The following MYRF variants were observed in gnomAD, a reference collection of about 807,000 sequenced individuals.
The protein encoded by MYRF is myelin regulatory factor.
In MYRF, 16 loss-of-function variants were observed where a neutral mutation model predicts 126.3. The ratio of observed to expected loss-of-function variants is 0.13; its 90% CI spans 0.09 to 0.19. MYRF has a LOEUF of 0.19. Among genes scored for constraint, MYRF ranks in the 10% least tolerant of loss-of-function variants. The probability of loss-of-function intolerance (pLI) is 1.00; values close to 1 mark genes in which losing one functional copy is unlikely to be tolerated. For synonymous variants in MYRF, 608 were observed against 635.3 expected (o/e 0.96, Z 0.65); for missense variants, 1,104 against 1,547.0 (o/e 0.71, Z 4.80).
rs761911305 is a variant in MYRF, at chr11:61,781,685, C to A, written c.2877C>A (p.Ala959=). The A allele has an allele frequency of 6.8e-6, 11 of 1,613,646 alleles. No individual in the cohort carries two copies. The highest frequency in any genetic ancestry group is 9.3e-6 in the Non-Finnish European group (11 of 1,180,026). ...ATCACAAGAGTCTGGAGCCTCTGGC[C>A]AGCCCTGCAGTCCCCTTCCCTGGGG... ...SKHHKSLEPL[A]SPAVPFPGGQ... The change falls in exon 22 of 27, where the codon GCC becomes GCA. Residue 959 remains alanine, a synonymous_variant. Transcript: ENST00000278836.
At chr11:61,767,212 CTGTT>C (rs1187663472) in intron 3 of MYRF, 2 of 456,630 alleles carry the variant, frequency 4.4e-6, no homozygotes, top group Non-Finnish European at 4.4e-6. Flanking sequence ...AGAAGGCAAA[CTGTT>C]TGCTTGAGGC....
At chr11:61,758,099 G>A (rs563952960) in intron 1 of MYRF, among the ~76,000 whole-genome samples, 6 of 150,162 alleles carry the variant, frequency 4.0e-5, no homozygotes, top group South Asian at 4.2e-4. Context: ...GTGAGGGGGG[G>A]AGGGGCAAAG....
At chr11:61,761,246 C>T (rs910138569) in intron 1 of MYRF, among the ~76,000 whole-genome samples, 14 of 133,460 alleles carry the variant, frequency 1.0e-4, no homozygotes, top group Admixed American at 2.5e-4. Flanking sequence ...ACTCAGCCAA[C>T]GGCCACAGCT....
At chr11:61,754,811 C>T (rs936578497) in intron 1 of MYRF, among the ~76,000 whole-genome samples, 1 of 152,170 alleles carries the variant, frequency 6.6e-6, no homozygotes, top group African/African-American at 2.4e-5. Flanking sequence ...AAACAGCTCC[C>T]AGCCCCTGCG....
Position 61,776,852 on chromosome 11 carries a change from A to G in MYRF, c.1565A>G (p.Gln522Arg). The G allele has an allele frequency of 6.2e-7, 1 of 1,608,176 alleles. No individual in the cohort carries two copies. The highest frequency in any genetic ancestry group is 8.5e-7 in the Non-Finnish European group (1 of 1,177,714). The change falls in exon 11 of 27, where the codon CAG (glutamine) becomes CGG (arginine). Residue 522 changes from glutamine to arginine, a missense_variant. Coordinates refer to ENST00000278836, the MANE Select transcript of MYRF (RefSeq NM_001127392.3). This position sits in a 1 kb window ranked among gnomAD's most constrained non-coding sequence, Gnocchi z 4.3. ...AQNQNYTLAAQISERIIVRAS... is the reference protein window; with the variant it reads ...AQNQNYTLAARISERIIVRAS... Reference sequence around the variant, plus strand: ...AACCAGAACTACACGCTGGCCGCCCAGATCTCAGAGCGCATCATTGTGCGG... The same window carrying G: ...AACCAGAACTACACGCTGGCCGCCCGGATCTCAGAGCGCATCATTGTGCGG...
intron 24 of MYRF, 88 bp from the exon 25 acceptor site, chr11:61,784,192 T>G: frequency 7.9e-7 from 1 of 1,269,604 alleles, no homozygotes; most frequent in South Asian, 1.3e-5. Flanking sequence ...GGGTGGAGAT[T>G]CAGAGGCGTG....
intron 5 of MYRF, 25 bp downstream of exon 5, chr11:61,770,550 T>A (rs765556612): frequency 4.8e-5 from 73 of 1,511,464 alleles, no homozygotes; most frequent in Admixed American, 1.2e-4. Context: ...GCTGGCTCCA[T>A]GGGGTGGGAA....
In MYRF at chr11:61,771,569, G is replaced by A. The variant is rs150512957; in HGVS notation, c.810G>A (p.Met270Ile). 8.1e-6 allele frequency: 13 copies of A among 1,613,822 alleles called. No individual in the cohort carries two copies. The African/African-American group carries it at 1.6e-4, about 20-fold the overall frequency. The change falls in exon 6 of 27, where the codon ATG (methionine) becomes ATA (isoleucine). Residue 270 changes from methionine (M) to isoleucine (I), a missense_variant. This residue lies in a region of MYRF where 368 missense variants were observed against 403.9 expected (regional missense o/e 0.91). Transcript: ENST00000278836. Reference protein sequence around the residue: ...ESPPSTLNAQMLNGMIKQEPG... With the variant: ...ESPPSTLNAQILNGMIKQEPG... ...CCCCCAGCACCCTCAATGCCCAGAT[G>A]CTGAATGGAATGATCAAACAGGAGC...
rs2066298874 is a variant in MYRF at position 61,773,954 on chromosome 11, C to T, written c.1116-13C>T. ...CTGGGGCCTCAGGGGAGTGCCCTCA[C>T]CCGCCCCCCCAGGCCCATGCTCACC... On this transcript the variant is annotated splice_polypyrimidine_tract_variant and intron_variant, in intron 7 of 26. Coordinates refer to ENST00000278836, the MANE Select transcript of MYRF (RefSeq NM_001127392.3). 2 of 1,595,672 alleles carry T rather than the reference C, an allele frequency of 1.3e-6. No homozygotes were observed. Among genetic ancestry groups the T allele is most frequent in the African/African-American group, 1.3e-5 (1 of 74,450 alleles).
At position 61,778,279 on chromosome 11, in the gene MYRF, G is replaced by A. The variant is rs1356239204; in HGVS notation, c.1904-101G>A. ...TTGGAATCCAAATCTCTGGGTTCCA[G>A]AACTTCACCCTCTCCAGTCTTGCTC... On this transcript the variant is annotated intron_variant, in intron 13 of 26. Coordinates refer to ENST00000278836, the MANE Select transcript of MYRF (RefSeq NM_001127392.3). This position sits in a 1 kb window ranked among gnomAD's most constrained non-coding sequence, Gnocchi z 4.6. 4.9e-6 allele frequency: 4 copies of A among 823,952 alleles called. No individual in the cohort carries two copies. Among genetic ancestry groups the A allele is most frequent in the East Asian group, 2.5e-5 (1 of 40,802 alleles). 51.0% of individuals were successfully genotyped at this position (823,952 alleles called of 1,614,324 possible).
At position 61,781,519 on chromosome 11, in the gene MYRF, G is replaced by C. The variant is rs368360443; in HGVS notation, c.2765-54G>C. On this transcript the variant is annotated intron_variant, in intron 21 of 26. Coordinates refer to ENST00000278836, the MANE Select transcript of MYRF (RefSeq NM_001127392.3). ...TCTTGTGGGGCCCTAGAGACAGCTG[G>C]ACAGGAAGCAGCCAGCTTCCAGCTT... is the stretch of plus-strand genomic sequence containing the variant. 16 of 1,582,708 alleles carry C rather than the reference G, an allele frequency of 1.0e-5. No homozygotes were observed. The South Asian group carries it at 1.8e-4, about 17-fold the overall frequency.
chr11:61,765,479 G>C, intron 1 of MYRF, 146 bp from the exon 2 acceptor site: 1 of 618,832 alleles, frequency 1.6e-6, no homozygotes, highest in Admixed American at 2.9e-5. Context: ...GGTGAGAGCC[G>C]GCCCCCACAT....
intron 1 of MYRF, among the ~76,000 whole-genome samples, chr11:61,762,191 C>G (rs1404117944): frequency 1.3e-5 from 2 of 152,016 alleles, no homozygotes; most frequent in African/African-American, 2.4e-5. Context: ...CAAGGGCTGA[C>G]CACGGAGAGG....
chr11:61,770,642 C>A, intron 5 of MYRF, 117 bp downstream of exon 5: 2 of 1,006,248 alleles, frequency 2.0e-6, no homozygotes, highest in Non-Finnish European at 2.9e-6. Context: ...CCAGGGAGGG[C>A]AGAAGGCTCT....
intron 2 of MYRF, 28 bp from the exon 3 acceptor site, chr11:61,765,930 G>T: frequency 6.8e-7 from 1 of 1,477,116 alleles, no homozygotes. Context: ...GGTCCTGGCT[G>T]GAGCTGAGCC....
At position 61,776,299 on chromosome 11, in the gene MYRF, A is replaced by G; in HGVS notation, c.1389-23A>G. 2 of 1,600,354 alleles carry G rather than the reference A, an allele frequency of 1.2e-6. No homozygotes were observed. The highest frequency in any genetic ancestry group is 1.1e-5 in the South Asian group (1 of 89,890). On this transcript the variant is annotated intron_variant, in intron 9 of 26. Coordinates refer to ENST00000278836, the MANE Select transcript of MYRF (RefSeq NM_001127392.3). The surrounding 1 kb of genome is among the most constrained non-coding windows in gnomAD (Gnocchi z 4.3). Reference sequence around the variant, plus strand: ...TTGCAGCCTCCCTCCCTGCCCCCTGAGCACCCTGCCTCTCCTCTGCAGGGT... The same window carrying G: ...TTGCAGCCTCCCTCCCTGCCCCCTGGGCACCCTGCCTCTCCTCTGCAGGGT...
chr11:61,783,205 C>T lies in MYRF; in HGVS notation c.3017-293C>T. On this transcript the variant is annotated intron_variant, in intron 22 of 26. Transcript: ENST00000278836. The surrounding 1 kb of genome is among the most constrained non-coding windows in gnomAD (Gnocchi z 4.6). ...TGGGAGAGATGCCCGCAGTCAGGAA[C>T]ACAGGCCTCGAGCGGGCTCCTGCAC... 3.4e-6 allele frequency: 1 copy of T among 293,440 alleles called. No homozygotes were observed. The highest frequency in any genetic ancestry group is 6.5e-6 in the Non-Finnish European group (1 of 153,356). The allele number at this position is 293,440 out of a possible 1,614,324, so 18.2% of individuals were successfully genotyped here.
chr11:61,770,407 A>G lies in MYRF; in HGVS notation c.622A>G (p.Lys208Glu). The G allele has an allele frequency of 6.5e-7, 1 of 1,539,476 alleles. No individual in the cohort carries two copies. The highest frequency in any genetic ancestry group is 1.2e-5 in the South Asian group (1 of 83,390). Residue 208 changes from lysine to glutamate, a missense_variant, in exon 5 of 27, where the codon AAG becomes GAG. Transcript: ENST00000278836. ...YPVLQRDLYM[K>E]AEPPIPHYAA... ...TGTCCTGCAGCGGGATCTGTACATG[A>G]AGGCCGAGCCCCCGATCCCCCACTA...
intron 1 of MYRF, among the ~76,000 whole-genome samples, chr11:61,758,517 A>G (rs114106427): frequency 5.1e-4 from 77 of 152,030 alleles, no homozygotes; most frequent in African/African-American, 1.8e-3. Context: ...AGGAGGTGGG[A>G]GCTCTTCCTG....
Sources: allele counts gnomAD v4.1 joint callset (sites outside exome capture counted in the v4.1 genomes callset), GRCh38; gene constraint gnomAD v4.1.1; regional missense constraint gnomAD v4.1.1; non-coding constraint Gnocchi (gnomAD v3.1); transcripts MANE v1.5; gene names NCBI Gene and HGNC (gene_info 2026-07-23, HGNC 2026-07-21).